Variants in OR52N1 observed in about 807,000 individuals in gnomAD.
OR52N1 encodes olfactory receptor family 52 subfamily N member 1.
OR52N1 carries 11 observed loss-of-function variants against 13.9 expected under a neutral mutation model. That is an observed-to-expected ratio of 0.79 (90% CI 0.50 to 1.31). OR52N1 has a LOEUF of 1.31. Among genes scored for constraint, OR52N1 ranks in the 40% most tolerant of loss-of-function variants. The pLI, the probability that OR52N1 is intolerant of heterozygous loss-of-function variation, is 0.00. For missense variants in OR52N1, 414 were observed against 397.7 expected (o/e 1.04, Z -0.35); for synonymous variants, 142 against 143.7 (o/e 0.99, Z 0.08).
At position 5,788,875 on chromosome 11, in the gene OR52N1, TAAA is replaced by T. The variant is rs61619938; in HGVS notation, c.-44-18_-44-16del. 5.3e-6 allele frequency: 7 copies of T among 1,316,998 alleles called. No individual in the cohort carries two copies. The highest frequency in any genetic ancestry group is 2.4e-4 in the Middle Eastern group (1 of 4,170). 81.6% of individuals were successfully genotyped at this position (1,316,998 alleles called of 1,614,324 possible). A position where few individuals can be genotyped will look rare whatever the true frequency, so the allele number is the denominator to read the frequency against. ...TAGCATTGCCTCTGTGAGCAGGAAA[TAAA>T]AAAAAGAGTAATTTCAAGGAGTGAC... On this transcript the variant is annotated splice_polypyrimidine_tract_variant and intron_variant, in intron 1 of 1. Transcript: ENST00000641645.
At chr11:5,789,830 A>G (rs1161786081) in intron 1 of OR52N1, among the ~76,000 whole-genome samples, 1 of 152,144 alleles carries the variant, frequency 6.6e-6, no homozygotes, top group Non-Finnish European at 1.5e-5. Context: ...AGGCAGTGGT[A>G]GAACAAGGAC....
At chr11:5,789,535 T>C (rs913703142) in intron 1 of OR52N1, among the ~76,000 whole-genome samples, 1 of 152,060 alleles carries the variant, frequency 6.6e-6, no homozygotes, top group African/African-American at 2.4e-5. Context: ...CTTATGAGAA[T>C]CCAATGTTTT....
chr11:5,788,081 G>C lies in OR52N1; in HGVS notation c.736C>G (p.His246Asp). The C allele has an allele frequency of 6.2e-7, 1 of 1,613,720 alleles. No individual in the cohort carries two copies. Among genetic ancestry groups the C allele is most frequent in the Non-Finnish European group, 8.5e-7 (1 of 1,179,728 alleles). Residue 246 changes from histidine (H) to aspartate (D), a missense_variant, in exon 2 of 2, where the codon CAC (histidine) becomes GAC (aspartate). Transcript: ENST00000641645. ...RQKAFSTCTAHFCAIVLTYVP... is the reference protein window; with the variant it reads ...RQKAFSTCTADFCAIVLTYVP... ...TAGGTGAGGACTATGGCACAGAAGT[G>C]GGCAGTGCAGGTGCTGAAGGCCTTC... is the stretch of plus-strand genomic sequence containing the variant.
Position 5,788,866 on chromosome 11 carries a change from AGC to A in OR52N1, c.-44-8_-44-7del, listed in dbSNP as rs1854627850. 1.4e-6 allele frequency: 2 copies of A among 1,392,664 alleles called. No homozygotes were observed. Among genetic ancestry groups the A allele is most frequent in the Admixed American group, 2.8e-5 (1 of 36,206 alleles). The allele number at this position is 1,392,664 out of a possible 1,614,324, so 86.3% of individuals were successfully genotyped here. A position where few individuals can be genotyped will look rare whatever the true frequency, so the allele number is the denominator to read the frequency against. ...TAGCAGTTATAGCATTGCCTCTGTG[AGC>A]AGGAAATAAAAAAAAGAGTAATTTC... On this transcript the variant is annotated splice_region_variant and splice_polypyrimidine_tract_variant and intron_variant, in intron 1 of 1. Transcript: ENST00000641645.
At position 5,788,484 on chromosome 11, in the gene OR52N1, C is replaced by G; in HGVS notation, c.333G>C (p.Gly111=). Residue 111 remains glycine (G), a synonymous_variant, in exon 2 of 2, where the codon GGG becomes GGC. Transcript: ENST00000641645. Reference sequence around the variant, plus strand: ...TGAGCATGAGCACCCCAGACTCCATCCCTGTGAAGGTGTGCACAAAGAACA... The same window carrying G: ...TGAGCATGAGCACCCCAGACTCCATGCCTGTGAAGGTGTGCACAAAGAACA... ...AQMFFVHTFT[G]MESGVLMLMA... 6.2e-7 allele frequency: 1 copy of G among 1,614,052 alleles called. No individual in the cohort carries two copies. The highest frequency in any genetic ancestry group is 1.1e-5 in the South Asian group (1 of 91,082).
intron 1 of OR52N1, among the ~76,000 whole-genome samples, chr11:5,790,595 T>G (rs927063298): frequency 6.6e-6 from 1 of 152,054 alleles, no homozygotes; most frequent in Non-Finnish European, 1.5e-5. Context: ...TTCTGACAAC[T>G]CTCTTACTCA....
In OR52N1 at chr11:5,788,546, G is replaced by A. The variant is rs775278043; in HGVS notation, c.271C>T (p.Leu91Phe). ...PNTLFILWFN[L>F]KEIDFKACLA... Reference sequence around the variant, plus strand: ...CAGGCTTTAAAATCAATCTCCTTGAGATTAAACCACAATATGAAGAGAGTG... The same window carrying A: ...CAGGCTTTAAAATCAATCTCCTTGAAATTAAACCACAATATGAAGAGAGTG... The change falls in exon 2 of 2, where the codon CTC becomes TTC. Residue 91 changes from leucine (L) to phenylalanine (F), a missense_variant. Physicochemically the swap from Leu to Phe is conservative, Grantham distance 22 (BLOSUM62 0). Coordinates refer to ENST00000641645, the MANE Select transcript of OR52N1 (RefSeq NM_001001913.2). The A allele has an allele frequency of 6.2e-7, 1 of 1,613,958 alleles. No homozygotes were observed. The highest frequency in any genetic ancestry group is 8.5e-7 in the Non-Finnish European group (1 of 1,179,902).
intron 1 of OR52N1, among the ~76,000 whole-genome samples, chr11:5,789,967 G>A (rs889985672): frequency 5.9e-5 from 9 of 152,110 alleles, no homozygotes; most frequent in African/African-American, 2.2e-4. Context: ...GTCTGAAGAA[G>A]TGGGCTATAT....
intron 1 of OR52N1, 144 bp from the exon 2 acceptor site, chr11:5,789,004 T>C: frequency 1.5e-6 from 1 of 654,612 alleles, no homozygotes; most frequent in Non-Finnish European, 2.5e-6. Flanking sequence ...ATACACTGTC[T>C]GGGTGTGTGC....
Position 5,788,188 on chromosome 11 carries a change from C to T in OR52N1, c.629G>A (p.Gly210Asp). Residue 210 changes from glycine (G) to aspartate (D), a missense_variant, in exon 2 of 2, where the codon GGC becomes GAC. Physicochemically the swap from Gly to Asp is moderately conservative, Grantham distance 94 (BLOSUM62 -1). Transcript: ENST00000641645. ...YGLIVALLIG[G>D]FDILCITISY... ...GATTGTAATGCACAGGATATCAAAG[C>T]CCCCAATCAGCAGGGCAACTATCAA... 6.2e-7 allele frequency: 1 copy of T among 1,613,926 alleles called. No individual in the cohort carries two copies.
At chr11:5,789,818 A>C (rs1389910098) in intron 1 of OR52N1, among the ~76,000 whole-genome samples, 2 of 152,158 alleles carry the variant, frequency 1.3e-5, no homozygotes, top group East Asian at 3.8e-4. Context: ...CCACAGAAGA[A>C]CAGGCAGTGG....
intron 1 of OR52N1, among the ~76,000 whole-genome samples, chr11:5,790,132 G>T (rs1256643356): frequency 6.6e-6 from 1 of 151,996 alleles, no homozygotes; most frequent in Non-Finnish European, 1.5e-5. Flanking sequence ...CATATTGGAG[G>T]TGACCCACCT....
In OR52N1 at chr11:5,788,099, A is replaced by G. The variant is rs1854614171; in HGVS notation, c.718T>C (p.Phe240Leu). Residue 240 changes from phenylalanine (F) to leucine (L), a missense_variant, in exon 2 of 2, where the codon TTC (phenylalanine) becomes CTC (leucine). Physicochemically the swap from Phe to Leu is conservative, Grantham distance 22. Transcript: ENST00000641645. ...LSSADARQKA[F>L]STCTAHFCAI... ...CAGAAGTGGGCAGTGCAGGTGCTGA[A>G]GGCCTTCTGTCGAGCATCTGCTGAT... The G allele has an allele frequency of 6.2e-7, 1 of 1,613,966 alleles. No homozygotes were observed. Among genetic ancestry groups the G allele is most frequent in the African/African-American group, 1.3e-5 (1 of 74,938 alleles).
chr11:5,789,105 C>T (rs59486891), intron 1 of OR52N1, among the ~76,000 whole-genome samples: 3,340 of 152,236 alleles, frequency 0.022, 121 homozygotes, highest in African/African-American at 0.075. Context: ...GTAGTCCATT[C>T]TCCAGGCCAA....
chr11:5,787,715 G>GTA lies in OR52N1; in HGVS notation c.*137_*138dup, dbSNP rs1416761748. ...GGTATTTACCTATTTGAACATGATG[G>GTA]TACCCTTTCCAAAGATGTAGAGTAA... On this transcript the variant is annotated 3_prime_UTR_variant, in exon 2 of 2. Coordinates refer to ENST00000641645, the MANE Select transcript of OR52N1 (RefSeq NM_001001913.2). The GTA allele has an allele frequency of 5.2e-6, 4 of 768,374 alleles. No homozygotes were observed. Among genetic ancestry groups the GTA allele is most frequent in the Non-Finnish European group, 8.1e-6 (4 of 491,926 alleles). 47.6% of individuals were successfully genotyped at this position (768,374 alleles called of 1,614,324 possible). A position where few individuals can be genotyped will look rare whatever the true frequency, so the allele number is the denominator to read the frequency against.
At position 5,788,034 on chromosome 11, in the gene OR52N1, G is replaced by C. The variant is rs905494764; in HGVS notation, c.783C>G (p.Phe261Leu). 21 of 1,169,210 alleles carry C rather than the reference G, an allele frequency of 1.8e-5. 3 individuals are homozygous for C. Among genetic ancestry groups the C allele is most frequent in the Middle Eastern group, 2.5e-4 (1 of 3,936 alleles). 72.4% of individuals were successfully genotyped at this position (1,169,210 alleles called of 1,614,324 possible). The change falls in exon 2 of 2, where the codon TTC becomes TTG. Residue 261 changes from phenylalanine to leucine, a missense_variant. Transcript: ENST00000641645. ...TGTGTCCCCCAAAATGGTGTGTAAA[G>C]AAGGTAAAGAAGGCTGGAACATAGG... The part of the protein sequence containing the change: ...VLTYVPAFFT[F>L]FTHHFGGHTI...
chr11:5,788,987 G>A (rs1165903080), intron 1 of OR52N1, 127 bp from the exon 2 acceptor site: 12 of 705,642 alleles, frequency 1.7e-5, no homozygotes, highest in African/African-American at 3.6e-5. Context: ...TGTTTAATAT[G>A]TGATATATAC....
intron 1 of OR52N1, 29 bp from the exon 2 acceptor site, chr11:5,788,889 A>G: frequency 2.1e-6 from 3 of 1,459,890 alleles, no homozygotes; most frequent in Non-Finnish European, 2.7e-6. Flanking sequence ...AAAAAGAGTA[A>G]TTTCAAGGAG....
At position 5,788,194 on chromosome 11, in the gene OR52N1, A is replaced by G. The variant is rs774873910; in HGVS notation, c.623T>C (p.Ile208Thr). The change falls in exon 2 of 2, where the codon ATT becomes ACT. Residue 208 changes from isoleucine to threonine, a missense_variant. Coordinates refer to ENST00000641645, the MANE Select transcript of OR52N1 (RefSeq NM_001001913.2). ...AATGCACAGGATATCAAAGCCCCCA[A>G]TCAGCAGGGCAACTATCAAACCATA... is the stretch of plus-strand genomic sequence containing the variant. ...AIYGLIVALL[I>T]GGFDILCITI... 14 of 1,614,012 alleles carry G rather than the reference A, an allele frequency of 8.7e-6. No homozygotes were observed. The highest frequency in any genetic ancestry group is 2.2e-5 in the East Asian group (1 of 44,830).
Sources: allele counts gnomAD v4.1 joint callset (sites outside exome capture counted in the v4.1 genomes callset), GRCh38; gene constraint gnomAD v4.1.1; transcripts MANE v1.5; gene names NCBI Gene and HGNC (gene_info 2026-07-23, HGNC 2026-07-21).